The following CNBD1 variants were observed in gnomAD, a reference collection of about 807,000 sequenced individuals.
The protein encoded by CNBD1 is cyclic nucleotide binding domain containing 1, also known as cyclic nucleotide-binding domain-containing protein 1.
In CNBD1, 71 loss-of-function variants were observed where a neutral mutation model predicts 54.4. The ratio of observed to expected loss-of-function variants is 1.30; its 90% CI spans 1.08 to 1.59. CNBD1 has a LOEUF of 1.59. CNBD1 is among the 40% of genes most tolerant of loss of function. CNBD1 has a pLI of 0.00. For missense variants in CNBD1, 659 were observed against 518.0 expected (o/e 1.27, Z -2.64); for synonymous variants, 182 against 170.7 (o/e 1.07, Z -0.51).
At chr8:86,875,233 G>A (rs958910969) in intron 1 of CNBD1, among the ~76,000 whole-genome samples, 1 of 151,686 alleles carries the variant, frequency 6.6e-6, no homozygotes, top group Non-Finnish European at 1.5e-5. Flanking sequence ...TTTAGCTCTG[G>A]GACACTCCCT....
chr8:87,232,371 A>G (rs1807462669), intron 5 of CNBD1, among the ~76,000 whole-genome samples: 1 of 152,162 alleles, frequency 6.6e-6, no homozygotes, highest in Non-Finnish European at 1.5e-5. Context: ...GAGTAATTGT[A>G]TAATTTATAC....
intron 4 of CNBD1, among the ~76,000 whole-genome samples, chr8:87,079,320 A>C (rs982134968): frequency 6.6e-6 from 1 of 152,134 alleles, no homozygotes; most frequent in Non-Finnish European, 1.5e-5. Flanking sequence ...AAATGTTTTC[A>C]TAGAGCCGTA....
chr8:87,091,588 G>C (rs1008638609), intron 4 of CNBD1, among the ~76,000 whole-genome samples: 1 of 152,096 alleles, frequency 6.6e-6, no homozygotes, highest in African/African-American at 2.4e-5. Context: ...CAATAGCTCA[G>C]CAAACAAATT....
At chr8:87,354,015 G>C (rs2130930157) in intron 10 of CNBD1, 3 of 333,420 alleles carry the variant, frequency 9.0e-6, no homozygotes, top group Non-Finnish European at 1.7e-5. Flanking sequence ...TCATCATATA[G>C]AAAGAGGTGA....
At chr8:87,238,532 A>T (rs1030545456) in intron 6 of CNBD1, among the ~76,000 whole-genome samples, 1 of 152,064 alleles carries the variant, frequency 6.6e-6, no homozygotes, top group Non-Finnish European at 1.5e-5. Context: ...TTACAGCTCC[A>T]CTTCTCCATC....
intron 4 of CNBD1, among the ~76,000 whole-genome samples, chr8:87,141,271 A>G (rs1586285395): frequency 1.3e-5 from 2 of 152,248 alleles, no homozygotes; most frequent in South Asian, 4.1e-4. Flanking sequence ...TTCCAGTGAT[A>G]TGATGTAGAA....
intron 4 of CNBD1, among the ~76,000 whole-genome samples, chr8:87,095,885 C>G (rs560801744): frequency 6.6e-6 from 1 of 152,316 alleles, no homozygotes; most frequent in African/African-American, 2.4e-5. Context: ...GTCTCGATCT[C>G]CTGACCTCGT....
At chr8:87,262,882 A>T (rs952522894) in intron 6 of CNBD1, among the ~76,000 whole-genome samples, 5 of 152,162 alleles carry the variant, frequency 3.3e-5, no homozygotes, top group African/African-American at 9.7e-5. Context: ...CAATTAATAC[A>T]AAATAGTTTC....
At chr8:87,073,830 A>G (rs1810809054) in intron 4 of CNBD1, among the ~76,000 whole-genome samples, 2 of 152,190 alleles carry the variant, frequency 1.3e-5, no homozygotes, top group African/African-American at 4.8e-5. Flanking sequence ...GGCCGGGTGC[A>G]GTGGCTCATA....
At chr8:87,154,649 T>C (rs975081876) in intron 4 of CNBD1, among the ~76,000 whole-genome samples, 2 of 152,168 alleles carry the variant, frequency 1.3e-5, no homozygotes, top group Admixed American at 6.5e-5. Flanking sequence ...TATGGTGTTT[T>C]TCAGAACAAT....
intron 4 of CNBD1, among the ~76,000 whole-genome samples, chr8:87,100,509 C>T (rs1811409256): frequency 1.3e-5 from 2 of 152,106 alleles, no homozygotes; most frequent in African/African-American, 2.4e-5. Context: ...GACAGAGTCA[C>T]ACTCCATTGC....
At chr8:87,397,599 T>C (rs2130974594) in intron 2 of CNBD1, among the ~76,000 whole-genome samples, 1 of 152,108 alleles carries the variant, frequency 6.6e-6, no homozygotes, top group South Asian at 2.1e-4. Context: ...TAATTCACAG[T>C]ATTCAGAATT....
At chr8:87,016,695 A>C (rs1449140418) in intron 4 of CNBD1, among the ~76,000 whole-genome samples, 1 of 152,206 alleles carries the variant, frequency 6.6e-6, no homozygotes, top group Admixed American at 6.5e-5. Context: ...TCAAAATGTA[A>C]GCCCTTGTTT....
At chr8:87,343,646 G>T (rs1810113092) in intron 8 of CNBD1, among the ~76,000 whole-genome samples, 1 of 152,160 alleles carries the variant, frequency 6.6e-6, no homozygotes, top group African/African-American at 2.4e-5. Context: ...TTTTAACAAA[G>T]TTGAATACTA....
intron 4 of CNBD1, among the ~76,000 whole-genome samples, chr8:87,011,655 TAAA>T (rs1301749699): frequency 6.6e-6 from 1 of 152,124 alleles, no homozygotes; most frequent in Non-Finnish European, 1.5e-5. Context: ...ATTTGAATAA[TAAA>T]AAGCATTTTA....
chr8:86,947,691 A>G (rs1807501165), intron 4 of CNBD1, among the ~76,000 whole-genome samples: 1 of 152,144 alleles, frequency 6.6e-6, no homozygotes, highest in Non-Finnish European at 1.5e-5. Flanking sequence ...TGATACAGGC[A>G]TACAATGAAT....
At chr8:87,060,546 G>A (rs568020933) in intron 4 of CNBD1, among the ~76,000 whole-genome samples, 5 of 152,144 alleles carry the variant, frequency 3.3e-5, no homozygotes, top group Admixed American at 1.3e-4. Context: ...TGGGAATCAC[G>A]GATACATCAC....
intron 6 of CNBD1, among the ~76,000 whole-genome samples, chr8:87,274,922 C>T: frequency 7.5e-6 from 1 of 134,220 alleles, no homozygotes; most frequent in East Asian, 2.0e-4. Context: ...ACGTTTAAGT[C>T]TTTAATCCAT....
At chr8:87,292,343 T>A (rs1011841479) in intron 8 of CNBD1, among the ~76,000 whole-genome samples, 1 of 152,210 alleles carries the variant, frequency 6.6e-6, no homozygotes, top group Non-Finnish European at 1.5e-5. Context: ...CAGCAATAGT[T>A]AAAGAAGTTT....
Sources: gnomAD v4.1 joint callset for allele counts (sites outside exome capture counted in the v4.1 genomes callset) on GRCh38, gnomAD v4.1.1 for gene constraint, MANE v1.5 for transcripts, NCBI Gene and HGNC (gene_info 2026-07-23, HGNC 2026-07-21) for gene names.